Variants in ICA1 observed in about 807,000 individuals in gnomAD.
The protein encoded by ICA1 is 69 kDa islet cell autoantigen.
A neutral mutation model predicts 71.0 loss-of-function variants in ICA1; 40 were observed. The observed-to-expected ratio is 0.56, with a 90% confidence interval of 0.44 to 0.73. ICA1 has a LOEUF of 0.73. Among genes scored for constraint, ICA1 ranks in the 30% least tolerant of loss-of-function variants. The pLI, the probability that ICA1 is intolerant of heterozygous loss-of-function variation, is 0.00. For missense variants in ICA1, 578 were observed against 576.5 expected, an observed-to-expected ratio of 1.00 and a Z score of -0.03; for synonymous variants, 207 against 209.5, an observed-to-expected ratio of 0.99 and a Z score of 0.10.
intron 8 of ICA1, among the ~76,000 whole-genome samples, chr7:8,152,926 C>T (rs111787846): frequency 6.7e-6 from 1 of 150,276 alleles, no homozygotes; most frequent in Non-Finnish European, 1.5e-5. Flanking sequence ...ACTACCCCCA[C>T]CACTACCACC....
intron 13 of ICA1, among the ~76,000 whole-genome samples, chr7:8,118,099 A>G (rs1785365755): frequency 6.6e-6 from 1 of 152,228 alleles, no homozygotes; most frequent in African/African-American, 2.4e-5. Context: ...CTTCTAAAGC[A>G]TTATTTTAAG....
Position 8,114,043 on chromosome 7 carries a change from T to C in ICA1, c.1332A>G (p.Glu444=). The change falls in exon 14 of 14, where the codon GAA becomes GAG. Residue 444 remains glutamate, a splice_region_variant and synonymous_variant. Coordinates refer to ENST00000402384, the MANE Select transcript of ICA1 (RefSeq NM_001136020.3). ...TCAGGTCTGAGGCAGCCTTAGCAGG[T>C]TCTGGGGAGAGAAGAGGAAACATGA... ...NMKDLQASLQ[E]PAKAASDLTA... 1 of 1,614,090 alleles carries C rather than the reference T, an allele frequency of 6.2e-7. No individual in the cohort carries two copies. The highest frequency in any genetic ancestry group is 8.5e-7 in the Non-Finnish European group (1 of 1,179,996).
chr7:8,127,471 A>G (rs1214788207), intron 13 of ICA1, among the ~76,000 whole-genome samples: 3 of 152,134 alleles, frequency 2.0e-5, no homozygotes, highest in African/African-American at 7.2e-5. Context: ...GTGCAAAAAG[A>G]GTGAAGAAGC....
At chr7:8,160,252 CACT>C (rs1451176583) in intron 6 of ICA1, among the ~76,000 whole-genome samples, 5 of 152,138 alleles carry the variant, frequency 3.3e-5, no homozygotes, top group East Asian at 1.9e-4. Flanking sequence ...TCATTTTCAC[CACT>C]AATATGAACA....
At chr7:8,166,136 T>A (rs1805864861) in intron 6 of ICA1, among the ~76,000 whole-genome samples, 1 of 152,212 alleles carries the variant, frequency 6.6e-6, no homozygotes, top group African/African-American at 2.4e-5. Context: ...AAGGCTACAG[T>A]AACCAAAACA....
At chr7:8,153,006 G>T (rs1800142250) in intron 8 of ICA1, among the ~76,000 whole-genome samples, 1 of 150,920 alleles carries the variant, frequency 6.6e-6, no homozygotes, top group African/African-American at 2.4e-5. Flanking sequence ...TAGCACTGCT[G>T]CTGTCATTGC....
intron 12 of ICA1, among the ~76,000 whole-genome samples, chr7:8,131,208 G>T (rs1791319465): frequency 6.6e-6 from 1 of 152,214 alleles, no homozygotes; most frequent in Admixed American, 6.5e-5. Flanking sequence ...TCAAGAAGTG[G>T]AGAGAGAATC....
intron 5 of ICA1, among the ~76,000 whole-genome samples, chr7:8,220,434 G>A (rs1184739194): frequency 1.3e-5 from 2 of 152,220 alleles, no homozygotes; most frequent in Non-Finnish European, 2.9e-5. Flanking sequence ...AGAAGAAAAT[G>A]TTGGACAATT....
At chr7:8,162,603 C>T (rs1804286228) in intron 6 of ICA1, among the ~76,000 whole-genome samples, 1 of 152,176 alleles carries the variant, frequency 6.6e-6, no homozygotes, top group African/African-American at 2.4e-5. Flanking sequence ...TTCCTCTCAA[C>T]CCTAGATAAG....
At chr7:8,220,289 A>G (rs1191597118) in intron 5 of ICA1, among the ~76,000 whole-genome samples, 1 of 152,236 alleles carries the variant, frequency 6.6e-6, no homozygotes, top group Non-Finnish European at 1.5e-5. Context: ...GCCCAGGAGA[A>G]GGCATCACTG....
intron 7 of ICA1, among the ~76,000 whole-genome samples, chr7:8,157,933 G>C (rs543723095): frequency 6.6e-6 from 1 of 151,964 alleles, no homozygotes; most frequent in South Asian, 2.1e-4. Flanking sequence ...CAAGTGATCC[G>C]CCTGCCTCGG....
chr7:8,129,367 C>CT (rs142605142), intron 12 of ICA1, among the ~76,000 whole-genome samples: 2,267 of 135,294 alleles, frequency 0.017, 20 homozygotes, highest in South Asian at 0.034. Flanking sequence ...TAAGTAAAGG[C>CT]TTTTTTTTTA....
chr7:8,141,772 A>C lies in ICA1; in HGVS notation c.948T>G (p.Ser316Arg), dbSNP rs1243771074. The C allele has an allele frequency of 5.8e-6, 9 of 1,556,502 alleles. No homozygotes were observed. The highest frequency in any genetic ancestry group is 7.9e-6 in the Non-Finnish European group (9 of 1,136,062). ...ATAAAAATCAAAACTTACTCTTAAA[A>C]CTAGAGGATTCCTTGCGCTGGTTTT... ...EEENQRKESS[S>R]FKTEDGKSIL... The change falls in exon 10 of 14, where the codon AGT (serine) becomes AGG (arginine). Residue 316 changes from serine to arginine, a missense_variant. Coordinates refer to ENST00000402384, the MANE Select transcript of ICA1 (RefSeq NM_001136020.3).
Position 8,256,224 on chromosome 7 carries a change from G to T in ICA1, c.-80+5870C>A, listed in dbSNP as rs190770146. ...TGTCCATTCCAATCTTTACAACACT[G>T]CCCGACCTATCACTATATGATGCAA... is the stretch of plus-strand genomic sequence containing the variant. On this transcript the variant is annotated intron_variant, in intron 1 of 13. Coordinates refer to ENST00000402384, the MANE Select transcript of ICA1 (RefSeq NM_001136020.3). Among the ~76,000 whole-genome samples the T allele has an allele frequency of 2.2e-3, 339 of 152,180 alleles. 2 individuals are homozygous for T. Among genetic ancestry groups the T allele is most frequent in the Non-Finnish European group, 2.7e-3 (186 of 68,006 alleles).
At chr7:8,170,121 C>G (rs1046900934) in intron 6 of ICA1, among the ~76,000 whole-genome samples, 82 of 151,970 alleles carry the variant, frequency 5.4e-4, no homozygotes, top group African/African-American at 1.9e-3. Flanking sequence ...CCCAATAGTC[C>G]AAGCACCACT....
At chr7:8,131,805 T>C (rs1034542609) in intron 12 of ICA1, among the ~76,000 whole-genome samples, 2 of 152,224 alleles carry the variant, frequency 1.3e-5, no homozygotes, top group African/African-American at 2.4e-5. Flanking sequence ...AGAATCATGC[T>C]ATCATTTTCT....
At chr7:8,252,928 CT>C in intron 1 of ICA1, among the ~76,000 whole-genome samples, 1 of 152,022 alleles carries the variant, frequency 6.6e-6, no homozygotes, top group Non-Finnish European at 1.5e-5. Flanking sequence ...CCAGGCTGGT[CT>C]TGAACTCCTA....
At chr7:8,250,194 T>A (rs1339706064) in intron 1 of ICA1, among the ~76,000 whole-genome samples, 3 of 152,262 alleles carry the variant, frequency 2.0e-5, no homozygotes, top group Non-Finnish European at 2.9e-5. Context: ...GATGTTTGTC[T>A]CTGTCACTTC....
chr7:8,156,857 A>G, intron 8 of ICA1: 2 of 1,506,082 alleles, frequency 1.3e-6, no homozygotes, highest in Non-Finnish European at 1.8e-6. Context: ...AGGAACATGT[A>G]TCTCAAGGTT....
Sources: gnomAD v4.1 joint callset for allele counts (sites outside exome capture counted in the v4.1 genomes callset) on GRCh38, gnomAD v4.1.1 for gene constraint, MANE v1.5 for transcripts, NCBI Gene and HGNC (gene_info 2026-07-23, HGNC 2026-07-21) for gene names.